Variants in PDE1C observed in about 807,000 individuals in gnomAD.
The protein encoded by PDE1C is dual specificity calcium/calmodulin-dependent 3',5'-cyclic nucleotide phosphodiesterase 1C.
PDE1C carries 62 observed loss-of-function variants against 93.1 expected under a neutral mutation model. The observed-to-expected ratio is 0.67, with a 90% CI of 0.54 to 0.82. The LOEUF (loss-of-function observed/expected upper bound fraction) is 0.82. Among genes scored for constraint, PDE1C ranks in the 40% least tolerant of loss-of-function variants. The pLI, the probability that PDE1C is intolerant of heterozygous loss-of-function variation, is 0.00. For missense variants in PDE1C, 742 were observed against 884.6 expected (o/e 0.84, Z 2.04); for synonymous variants, 325 against 310.1 (o/e 1.05, Z -0.50).
chr7:31,935,123 T>C (rs28528343), intron 2 of PDE1C, among the ~76,000 whole-genome samples: 75,212 of 151,704 alleles, frequency 0.5, 19,295 homozygotes, highest in Non-Finnish European at 0.57. Flanking sequence ...TAAGAGAACA[T>C]GGATAGTGCT....
At chr7:32,169,725 G>A in intron 3 of PDE1C, 1 of 1,450,840 alleles carries the variant, frequency 6.9e-7, no homozygotes, top group Non-Finnish European at 9.7e-7. Flanking sequence ...GCATCTAACT[G>A]GATTGAAACA....
chr7:32,034,281 G>A (rs1202178194), intron 2 of PDE1C, among the ~76,000 whole-genome samples: 1 of 151,992 alleles, frequency 6.6e-6, no homozygotes, highest in Admixed American at 6.6e-5. Flanking sequence ...CAACAGATGG[G>A]CTGGAGCTTC....
chr7:32,092,104 G>C (rs1018356780), intron 3 of PDE1C, among the ~76,000 whole-genome samples: 2 of 152,076 alleles, frequency 1.3e-5, no homozygotes, highest in African/African-American at 4.8e-5. Flanking sequence ...AGGCTCCAAG[G>C]CCAATCTGAG....
At chr7:31,931,595 A>G (rs978815194) in intron 2 of PDE1C, among the ~76,000 whole-genome samples, 4 of 152,332 alleles carry the variant, frequency 2.6e-5, no homozygotes, top group African/African-American at 9.6e-5. Flanking sequence ...GAGAGCACAC[A>G]AACAAATGGA....
At chr7:31,910,854 A>C (rs998014016) in intron 2 of PDE1C, among the ~76,000 whole-genome samples, 1 of 152,220 alleles carries the variant, frequency 6.6e-6, no homozygotes, top group Non-Finnish European at 1.5e-5. Context: ...GGCCTGGCCC[A>C]CGTAAACACC....
At chr7:32,101,299 G>A (rs1798025596) in intron 3 of PDE1C, among the ~76,000 whole-genome samples, 1 of 152,154 alleles carries the variant, frequency 6.6e-6, no homozygotes, top group South Asian at 2.1e-4. Context: ...TCTTGGCCAA[G>A]GACAATTGAA....
chr7:31,658,129 C>A, the PDE1C span: 7 of 527,308 alleles, frequency 1.3e-5, no homozygotes, highest in African/African-American at 1.1e-4. Context: ...AAAGATGAAA[C>A]CTTGAGGGTT....
chr7:32,426,299 G>A (rs1785531747), intron 1 of PDE1C, among the ~76,000 whole-genome samples: 1 of 148,520 alleles, frequency 6.7e-6, no homozygotes, highest in Non-Finnish European at 1.5e-5. Flanking sequence ...TTTGAGATAG[G>A]GTCTTACTTT....
chr7:32,139,845 C>T (rs946434609), intron 3 of PDE1C, among the ~76,000 whole-genome samples: 3 of 152,136 alleles, frequency 2.0e-5, no homozygotes, highest in Non-Finnish European at 4.4e-5. Flanking sequence ...TCTGCCAGAG[C>T]TGTCATCTAT....
At chr7:32,376,173 A>G (rs909629625) in intron 1 of PDE1C, among the ~76,000 whole-genome samples, 5 of 151,916 alleles carry the variant, frequency 3.3e-5, no homozygotes, top group African/African-American at 9.7e-5. Flanking sequence ...AGAAAGAAAG[A>G]AAGAAAGAAA....
At chr7:31,886,086 G>C (rs1298491164) in intron 2 of PDE1C, among the ~76,000 whole-genome samples, 1 of 152,154 alleles carries the variant, frequency 6.6e-6, no homozygotes, top group Non-Finnish European at 1.5e-5. Flanking sequence ...AAGGATATGA[G>C]AGAGAACTGG....
At chr7:32,129,049 T>C (rs1220127617) in intron 3 of PDE1C, among the ~76,000 whole-genome samples, 3 of 150,160 alleles carry the variant, frequency 2.0e-5, no homozygotes, top group African/African-American at 7.3e-5. Flanking sequence ...GCAGTCATTA[T>C]AAGTGATATT....
intron 1 of PDE1C, among the ~76,000 whole-genome samples, chr7:32,395,467 A>G (rs370879707): frequency 1.4e-4 from 21 of 152,184 alleles, no homozygotes; most frequent in African/African-American, 5.1e-4. Context: ...GTGATTCCAT[A>G]TTGCTAGGAT....
At chr7:31,684,654 C>G in the PDE1C span, among the ~76,000 whole-genome samples, 1 of 151,994 alleles carries the variant, frequency 6.6e-6, no homozygotes, top group Non-Finnish European at 1.5e-5. Context: ...GACAAATAAG[C>G]ACATGAAAAA....
chr7:32,086,883 C>T (rs1797121064), intron 3 of PDE1C, among the ~76,000 whole-genome samples: 1 of 151,540 alleles, frequency 6.6e-6, no homozygotes, highest in East Asian at 1.9e-4. Context: ...ACATGTTAGA[C>T]CTAAAACCAT....
intron 16 of PDE1C, chr7:31,790,231 T>C (rs768332001): frequency 6.2e-6 from 10 of 1,612,672 alleles, no homozygotes; most frequent in African/African-American, 2.7e-5. Context: ...TCTTTTATTG[T>C]CTATGAGGTC....
At chr7:31,965,178 C>G (rs916385048) in intron 2 of PDE1C, among the ~76,000 whole-genome samples, 2 of 151,476 alleles carry the variant, frequency 1.3e-5, no homozygotes, top group African/African-American at 2.4e-5. Context: ...GGAGGAAGTT[C>G]GAACCAATGG....
chr7:31,875,161 C>G (rs1796388284), intron 5 of PDE1C, among the ~76,000 whole-genome samples: 1 of 152,110 alleles, frequency 6.6e-6, no homozygotes, highest in Non-Finnish European at 1.5e-5. Context: ...TATCTTTAGT[C>G]CTAAGGAAAA....
chr7:32,159,504 T>A (rs145011522), intron 3 of PDE1C, among the ~76,000 whole-genome samples: 115 of 152,310 alleles, frequency 7.6e-4, no homozygotes, highest in African/African-American at 2.6e-3. Context: ...AAGTCATTCA[T>A]CATGGAAAGT....
Sources: gnomAD v4.1 joint callset for allele counts (sites outside exome capture counted in the v4.1 genomes callset) on GRCh38, gnomAD v4.1.1 for gene constraint, MANE v1.5 for transcripts, NCBI Gene and HGNC (gene_info 2026-07-23, HGNC 2026-07-21) for gene names.